Variants in RABGAP1L observed in about 807,000 individuals in gnomAD.
The protein encoded by RABGAP1L is RAB GTPase activating protein 1 like, also known as rab GTPase-activating protein 1-like.
A neutral mutation model predicts 137.7 loss-of-function variants in RABGAP1L; 63 were observed. That is an observed-to-expected ratio of 0.46 (90% CI 0.37 to 0.56). The LOEUF (loss-of-function observed/expected upper bound fraction) is 0.56. Ranked by LOEUF, RABGAP1L falls within the 20% of genes least tolerant of loss-of-function variation. The probability of loss-of-function intolerance (pLI) is 0.00; values close to 1 mark genes in which losing one functional copy is unlikely to be tolerated. For missense variants in RABGAP1L, 1,095 were observed against 1,244.0 expected, an observed-to-expected ratio of 0.88 and a Z score of 1.80; for synonymous variants, 431 against 433.7, an observed-to-expected ratio of 0.99 and a Z score of 0.08.
chr1:174,171,211 G>A (rs1665356248), intron 1 of RABGAP1L, among the ~76,000 whole-genome samples: 1 of 152,082 alleles, frequency 6.6e-6, no homozygotes, highest in Non-Finnish European at 1.5e-5. Flanking sequence ...CTTATTTTCT[G>A]TTAGAATATC....
intron 19 of RABGAP1L, chr1:174,935,290 G>C (rs529650891): frequency 6.6e-6 from 1 of 152,212 alleles, no homozygotes; most frequent in African/African-American, 2.4e-5. Context: ...ATATCTTTGA[G>C]TTCTGTTTTT....
intron 17 of RABGAP1L, among the ~76,000 whole-genome samples, chr1:174,728,399 G>T (rs968663882): frequency 6.6e-5 from 10 of 152,092 alleles, no homozygotes; most frequent in African/African-American, 1.9e-4. Flanking sequence ...AAATGCCTAG[G>T]AATACATCTA....
intron 19 of RABGAP1L, among the ~76,000 whole-genome samples, chr1:174,881,886 A>G (rs540175167): frequency 1.1e-4 from 17 of 152,058 alleles, no homozygotes; most frequent in African/African-American, 4.1e-4. Context: ...TTTGAGATGC[A>G]GTTTCGCACT....
At chr1:174,855,299 A>G (rs7526695) in intron 19 of RABGAP1L, among the ~76,000 whole-genome samples, 3,191 of 152,254 alleles carry the variant, frequency 0.021, 125 homozygotes, top group African/African-American at 0.074. Flanking sequence ...TGATGGCCCC[A>G]TTCAAGCTTA....
chr1:174,781,436 G>A (rs1432371557), intron 18 of RABGAP1L, among the ~76,000 whole-genome samples: 2 of 152,050 alleles, frequency 1.3e-5, no homozygotes, highest in African/African-American at 4.8e-5. Context: ...TTGTAAATTT[G>A]TTTGAGTTCT....
chr1:174,571,730 T>C (rs1032382114), intron 13 of RABGAP1L, among the ~76,000 whole-genome samples: 6 of 152,202 alleles, frequency 3.9e-5, no homozygotes, highest in Non-Finnish European at 8.8e-5. Context: ...ACAGTCTGAA[T>C]TTGTGCAGAA....
At chr1:174,548,632 C>T in intron 13 of RABGAP1L, 4 of 883,102 alleles carry the variant, frequency 4.5e-6, no homozygotes, top group Non-Finnish European at 5.4e-6. Flanking sequence ...CACCCATCTT[C>T]CAATATTTCA....
chr1:174,600,374 A>G (rs191192652), intron 13 of RABGAP1L, among the ~76,000 whole-genome samples: 61 of 152,254 alleles, frequency 4.0e-4, no homozygotes, highest in Non-Finnish European at 1.6e-4. Flanking sequence ...TGCCTTCCCA[A>G]CAGTCCCGCA....
At chr1:174,173,246 T>G (rs191923490) in intron 1 of RABGAP1L, among the ~76,000 whole-genome samples, 2 of 152,138 alleles carry the variant, frequency 1.3e-5, no homozygotes, top group African/African-American at 4.8e-5. Context: ...TTCTCCTGCC[T>G]CAGCCTCCCG....
chr1:174,623,548 T>C (rs906475648), intron 13 of RABGAP1L, among the ~76,000 whole-genome samples: 1 of 152,222 alleles, frequency 6.6e-6, no homozygotes, highest in Non-Finnish European at 1.5e-5. Flanking sequence ...GCACCAAATA[T>C]GGAGCTTCCT....
At chr1:174,274,303 A>G (rs770255664) in intron 8 of RABGAP1L, among the ~76,000 whole-genome samples, 3 of 152,152 alleles carry the variant, frequency 2.0e-5, no homozygotes, top group Non-Finnish European at 4.4e-5. Context: ...TATAACAGTC[A>G]TATGCTGAGT....
At chr1:174,711,812 T>C (rs1228259585) in intron 17 of RABGAP1L, among the ~76,000 whole-genome samples, 1 of 152,180 alleles carries the variant, frequency 6.6e-6, no homozygotes, top group African/African-American at 2.4e-5. Flanking sequence ...GACTGGTGGG[T>C]ACCTCCACCC....
In RABGAP1L at chr1:174,299,949, A is replaced by G. The variant is rs145602593; in HGVS notation, c.1324-5037A>G. On this transcript the variant is annotated intron_variant, in intron 10 of 25. Coordinates refer to ENST00000681986, the MANE Select transcript of RABGAP1L (RefSeq NM_001366446.1). ...AGACAACAATTGTCTGTGAGTAGCA[A>G]AATACCCAGGGTGGTTACAGTTAGA... is the stretch of plus-strand genomic sequence containing the variant. Among the ~76,000 whole-genome samples, 849 of 152,334 alleles carry G rather than the reference A, an allele frequency of 5.6e-3. 15 individuals carry two copies. The highest frequency in any genetic ancestry group is 0.02 in the African/African-American group (816 of 41,558).
intron 1 of RABGAP1L, among the ~76,000 whole-genome samples, chr1:174,198,791 C>T (rs1181602691): frequency 6.6e-6 from 1 of 152,110 alleles, no homozygotes; most frequent in Non-Finnish European, 1.5e-5. Context: ...GTGAGGCGCC[C>T]CCTCCAGCAT....
In RABGAP1L at chr1:174,225,878, C is replaced by T. The variant is rs377453928; in HGVS notation, c.331+4714C>T. Among the ~76,000 whole-genome samples, 29 of 151,942 alleles carry T rather than the reference C, an allele frequency of 1.9e-4. No individual in the cohort carries two copies. The East Asian group carries it at 4.1e-3, about 21-fold the overall frequency. ...GAAAAATAATAGAGTTTTTCTTTTC[C>T]ATTTTTGGGTTATAGGGGCCTCTTT... On this transcript the variant is annotated intron_variant, in intron 3 of 25. Transcript: ENST00000681986.
chr1:174,469,703 GTGTCAGTTTGAA>G (rs1249525625), intron 13 of RABGAP1L, among the ~76,000 whole-genome samples: 5 of 152,148 alleles, frequency 3.3e-5, no homozygotes, highest in Non-Finnish European at 2.9e-5. Context: ...GACACTGATT[GTGTCAGTTTGAA>G]TTACAACCAA....
chr1:174,515,778 A>G (rs1662771093), intron 13 of RABGAP1L, among the ~76,000 whole-genome samples: 3 of 152,186 alleles, frequency 2.0e-5, no homozygotes, highest in South Asian at 4.1e-4. Flanking sequence ...AAGGGTTACT[A>G]TAAATAGAAA....
chr1:174,337,267 A>T (rs1014541645), intron 11 of RABGAP1L, among the ~76,000 whole-genome samples: 2 of 152,116 alleles, frequency 1.3e-5, no homozygotes, highest in Admixed American at 6.6e-5. Context: ...TTTTGGCAGA[A>T]TTCATTTCGT....
chr1:174,400,526 T>C (rs1648442503), intron 13 of RABGAP1L, among the ~76,000 whole-genome samples: 1 of 152,224 alleles, frequency 6.6e-6, no homozygotes, highest in Non-Finnish European at 1.5e-5. Context: ...ATTTGTATAG[T>C]TATTTATTCT....
Sources: allele counts gnomAD v4.1 joint callset (sites outside exome capture counted in the v4.1 genomes callset), GRCh38; gene constraint gnomAD v4.1.1; transcripts MANE v1.5; gene names NCBI Gene and HGNC (gene_info 2026-07-23, HGNC 2026-07-21).